The following KMT2C variants were observed in gnomAD, a reference collection of about 807,000 sequenced individuals.
KMT2C encodes the protein lysine methyltransferase 2C, also known as histone-lysine N-methyltransferase 2C.
Under a neutral mutation model 507.9 loss-of-function variants are expected in KMT2C, and 88 were observed. The observed-to-expected ratio is 0.17, with a 90% confidence interval of 0.15 to 0.21. The LOEUF is 0.21. KMT2C is among the 10% of genes least tolerant of loss of function. The probability of loss-of-function intolerance (pLI) is 1.00; values close to 1 mark genes in which losing one functional copy is unlikely to be tolerated. For missense variants in KMT2C, 4,954 were observed against 5,957.8 expected, an observed-to-expected ratio of 0.83 and a Z score of 5.55; for synonymous variants, 2,049 against 2,080.8, an observed-to-expected ratio of 0.98 and a Z score of 0.42.
Position 152,135,633 on chromosome 7 carries a change from A to C in KMT2C, c.*1199T>G. On this transcript the variant is annotated 3_prime_UTR_variant, in exon 59 of 59. Transcript: ENST00000262189. ...TCTCTGTGGCTGAAACAAAGTTCTA[A>C]TCAAAACTACTTTTGCTGAAGAAAA... is the stretch of plus-strand genomic sequence containing the variant. 1 of 227,264 alleles carries C rather than the reference A, an allele frequency of 4.4e-6. No individual in the cohort carries two copies. Among genetic ancestry groups the C allele is most frequent in the East Asian group, 6.4e-5 (1 of 15,570 alleles). The allele number at this position is 227,264 out of a possible 1,614,324, so 14.1% of individuals were successfully genotyped here. A position where few individuals can be genotyped will look rare whatever the true frequency, so the allele number is the denominator to read the frequency against.
Position 152,358,645 on chromosome 7 carries a change from T to C in KMT2C, c.192A>G (p.Glu64=), listed in dbSNP as rs2129231492. ...KPRSRGKTAV[E]DEDSMDGLET... is the part of the protein sequence containing the mutation. ...CCAGCCCATCCATGCTGTCCTCATC[T>C]TCCACTGCAGTTTTCCCCCTACTTC... The change falls in exon 2 of 59, where the codon GAA becomes GAG. Residue 64 remains glutamate, a synonymous_variant. Coordinates refer to ENST00000262189, the MANE Select transcript of KMT2C (RefSeq NM_170606.3). 2.5e-6 allele frequency: 4 copies of C among 1,611,106 alleles called. No individual in the cohort carries two copies. Among genetic ancestry groups the C allele is most frequent in the Non-Finnish European group, 3.4e-6 (4 of 1,178,246 alleles).
At chr7:152,303,659 CACAA>C (rs1238026652) in intron 6 of KMT2C, among the ~76,000 whole-genome samples, 1 of 147,096 alleles carries the variant, frequency 6.8e-6, no homozygotes, top group Non-Finnish European at 1.5e-5. Flanking sequence ...AAAAAACTCA[CACAA>C]ACAAACGCTG....
Position 152,169,235 on chromosome 7 carries a change from T to C in KMT2C, c.9468A>G (p.Thr3156=). The C allele has an allele frequency of 6.3e-7, 1 of 1,595,230 alleles. No individual in the cohort carries two copies. Among genetic ancestry groups the C allele is most frequent in the Middle Eastern group, 1.7e-4 (1 of 6,028 alleles). ...PQAIPQDGSI[T]HQISRPNPPN... is the part of the protein sequence containing the mutation. ...GAGGATTAGGCCTAGAAATCTGATG[T>C]GTTATACTGCCATCCTAAAATAAGT... The change falls in exon 41 of 59, where the codon ACA becomes ACG. Residue 3156 remains threonine (T), a synonymous_variant. Transcript: ENST00000262189.
intron 1 of KMT2C, among the ~76,000 whole-genome samples, chr7:152,432,818 C>CTTT (rs1564242282): frequency 6.6e-6 from 1 of 151,738 alleles, no homozygotes; most frequent in Non-Finnish European, 1.5e-5. Context: ...TTTTTTAAGC[C>CTTT]AAAGATAAAT....
chr7:152,217,410 A>T (rs1473773781), intron 23 of KMT2C, among the ~76,000 whole-genome samples: 1 of 152,190 alleles, frequency 6.6e-6, no homozygotes, highest in Non-Finnish European at 1.5e-5. Flanking sequence ...GCAAACAGAA[A>T]GCAAAAATGT....
intron 6 of KMT2C, among the ~76,000 whole-genome samples, chr7:152,279,711 C>T (rs111849825): frequency 6.6e-6 from 1 of 152,086 alleles, no homozygotes; most frequent in Non-Finnish European, 1.5e-5. Context: ...TAACATCAAA[C>T]GACATTACAA....
In KMT2C at chr7:152,177,655, G is replaced by T. The variant is rs2270234; in HGVS notation, c.7798C>A (p.Pro2600Thr). 7 of 1,614,176 alleles carry T rather than the reference G, an allele frequency of 4.3e-6. No homozygotes were observed. The highest frequency in any genetic ancestry group is 5.9e-6 in the Non-Finnish European group (7 of 1,180,034). Residue 2600 changes from proline (P) to threonine (T), a missense_variant, in exon 38 of 59, where the codon CCG becomes ACG. Transcript: ENST00000262189. ...HGNFIPRPDF[P>T]GPRHTDPMRR... ...ATGGGGTCTGTGTGTCTAGGGCCCG[G>T]AAAGTCTGGCCGGGGAATGAAGTTT...
At chr7:152,424,624 AT>A (rs1180426789) in intron 1 of KMT2C, among the ~76,000 whole-genome samples, 1 of 152,078 alleles carries the variant, frequency 6.6e-6, no homozygotes, top group Non-Finnish European at 1.5e-5. Context: ...GTGTCTTGCT[AT>A]ATTGCCCGGG....
At chr7:152,179,409 A>C (rs1182596156) in intron 37 of KMT2C, among the ~76,000 whole-genome samples, 6 of 152,276 alleles carry the variant, frequency 3.9e-5, no homozygotes, top group African/African-American at 1.4e-4. Context: ...AGGATGTCAT[A>C]TGATAAACTG....
intron 16 of KMT2C, among the ~76,000 whole-genome samples, chr7:152,234,436 A>C (rs2095220549): frequency 6.6e-6 from 1 of 152,102 alleles, no homozygotes; most frequent in South Asian, 2.1e-4. Flanking sequence ...CCACAAAGAA[A>C]ATTTCAGGCC....
chr7:152,180,052 T>C lies in KMT2C; in HGVS notation c.7224A>G (p.Ser2408=). The change falls in exon 37 of 59, where the codon TCA becomes TCG. Residue 2408 remains serine, a synonymous_variant. Transcript: ENST00000262189. Reference sequence around the variant, plus strand: ...GATGAGGCACTGCGGGTGAGTCCTGTGACCCCTTCTCCTGTCGACCTGCAA... The same window carrying C: ...GATGAGGCACTGCGGGTGAGTCCTGCGACCCCTTCTCCTGTCGACCTGCAA... The part of the protein sequence containing the change: ...KKIAGRQEKG[S]QDSPAVPHPG... 1 of 1,614,182 alleles carries C rather than the reference T, an allele frequency of 6.2e-7. No homozygotes were observed. The highest frequency in any genetic ancestry group is 8.5e-7 in the Non-Finnish European group (1 of 1,180,024).
At chr7:152,216,543 T>C (rs2094587658) in intron 23 of KMT2C, among the ~76,000 whole-genome samples, 1 of 152,188 alleles carries the variant, frequency 6.6e-6, no homozygotes, top group East Asian at 1.9e-4. Context: ...AAACTTTAAT[T>C]TTAAATTCAT....
intron 6 of KMT2C, among the ~76,000 whole-genome samples, chr7:152,301,535 A>T (rs779518056): frequency 6.6e-6 from 1 of 151,964 alleles, no homozygotes. Context: ...AAGAAAAGAA[A>T]AGTTAGCCAG....
chr7:152,203,950 A>G (rs7787859), intron 25 of KMT2C, among the ~76,000 whole-genome samples: 6,381 of 152,250 alleles, frequency 0.042, 463 homozygotes, highest in African/African-American at 0.15. Flanking sequence ...GCTGAAATCC[A>G]ATGACCTCAA....
At chr7:152,419,797 G>A (rs553429990) in intron 1 of KMT2C, among the ~76,000 whole-genome samples, 21 of 152,270 alleles carry the variant, frequency 1.4e-4, no homozygotes, top group Admixed American at 4.6e-4. Context: ...TTTGTAAAAC[G>A]TACTAATGAT....
At chr7:152,388,132 A>AT (rs957751599) in intron 1 of KMT2C, among the ~76,000 whole-genome samples, 6 of 151,226 alleles carry the variant, frequency 4.0e-5, no homozygotes, top group African/African-American at 1.5e-4. Flanking sequence ...ATAAAATAAA[A>AT]AAATTGTAAC....
chr7:152,146,480 G>T lies in KMT2C; in HGVS notation c.14031+119C>A, dbSNP rs1346705275. ...TGCCTTATTCCTCTAAGAGAAACGGGTTAATGCACAGGCTCAGTCACTTTC... is the reference window on the plus strand; with the variant it reads ...TGCCTTATTCCTCTAAGAGAAACGGTTTAATGCACAGGCTCAGTCACTTTC... On this transcript the variant is annotated intron_variant, in intron 53 of 58. Coordinates refer to ENST00000262189, the MANE Select transcript of KMT2C (RefSeq NM_170606.3). 3 of 938,684 alleles carry T rather than the reference G, an allele frequency of 3.2e-6. No individual in the cohort carries two copies. In the East Asian group the frequency reaches 7.7e-5, roughly 24 times the overall value. The allele number at this position is 938,684 out of a possible 1,614,324, so 58.1% of individuals were successfully genotyped here.
chr7:152,367,887 A>G (rs1249011961), intron 1 of KMT2C: 1 of 1,073,662 alleles, frequency 9.3e-7, no homozygotes, highest in East Asian at 2.4e-5. Context: ...TATTGAGTTT[A>G]TGAAGCGTTC....
At chr7:152,178,550 T>C (rs17173367) in intron 37 of KMT2C, among the ~76,000 whole-genome samples, 4,409 of 152,256 alleles carry the variant, frequency 0.029, 216 homozygotes, top group African/African-American at 0.1. Context: ...TAAGTAAATG[T>C]ATAAATTGTT....
Sources: gnomAD v4.1 joint callset for allele counts (sites outside exome capture counted in the v4.1 genomes callset) on GRCh38, gnomAD v4.1.1 for gene constraint, MANE v1.5 for transcripts, NCBI Gene and HGNC (gene_info 2026-07-23, HGNC 2026-07-21) for gene names.